FNDC3A: variants seen among roughly 807,000 people sequenced by gnomAD.
FNDC3A encodes the protein fibronectin type-III domain-containing protein 3A.
In FNDC3A, 32 loss-of-function variants were observed where a neutral mutation model predicts 148.9. That is an observed-to-expected ratio of 0.21 (90% CI 0.16 to 0.29). The LOEUF is 0.29. Ranked by LOEUF, FNDC3A falls within the 10% of genes least tolerant of loss-of-function variation. The pLI, the probability that FNDC3A is intolerant of heterozygous loss-of-function variation, is 1.00. For synonymous variants in FNDC3A, 472 were observed against 473.6 expected, an observed-to-expected ratio of 1.00 and a Z score of 0.04; for missense variants, 1,191 against 1,452.8, an observed-to-expected ratio of 0.82 and a Z score of 2.93.
At chr13:49,171,968 T>C in intron 10 of FNDC3A, 75 bp from the exon 11 acceptor site, 1 of 1,017,826 alleles carries the variant, frequency 9.8e-7, no homozygotes, top group Non-Finnish European at 1.5e-6. Flanking sequence ...AACTAGATCC[T>C]TATATTAGAT....
intron 7 of FNDC3A, 108 bp downstream of exon 7, chr13:49,138,913 C>T (rs569523895): frequency 3.6e-6 from 2 of 549,998 alleles, no homozygotes; most frequent in Non-Finnish European, 6.4e-6. Context: ...AAAATAGGAT[C>T]ATACTGTATT....
At chr13:49,096,985 G>A (rs1041361990) in intron 3 of FNDC3A, among the ~76,000 whole-genome samples, 4 of 152,096 alleles carry the variant, frequency 2.6e-5, no homozygotes, top group African/African-American at 9.7e-5. Flanking sequence ...AGAGGAAACG[G>A]AAAAACTGTG....
chr13:49,110,291 A>G (rs1880473665), intron 3 of FNDC3A: 1 of 1,514,946 alleles, frequency 6.6e-7, no homozygotes, highest in Non-Finnish European at 8.9e-7. Context: ...TTTTCCTCTT[A>G]CAGCCTTGCA....
At chr13:48,983,570 C>G (rs996873493) in intron 1 of FNDC3A, among the ~76,000 whole-genome samples, 2 of 152,176 alleles carry the variant, frequency 1.3e-5, no homozygotes, top group Non-Finnish European at 2.9e-5. Flanking sequence ...AGGCAGCAGA[C>G]CAGATTTGGC....
At chr13:49,056,102 C>T (rs541979282) in intron 2 of FNDC3A, among the ~76,000 whole-genome samples, 2 of 151,922 alleles carry the variant, frequency 1.3e-5, no homozygotes, top group South Asian at 4.2e-4. Context: ...GGGCAGGTTG[C>T]TTTGAGCCCA....
At chr13:49,041,384 C>T (rs1160740848) in intron 2 of FNDC3A, among the ~76,000 whole-genome samples, 1 of 152,190 alleles carries the variant, frequency 6.6e-6, no homozygotes, top group Admixed American at 6.5e-5. Context: ...GTTTACTACT[C>T]TATCCCAATT....
chr13:49,042,098 A>T (rs1220375700), intron 2 of FNDC3A, among the ~76,000 whole-genome samples: 1 of 152,178 alleles, frequency 6.6e-6, no homozygotes, highest in African/African-American at 2.4e-5. Context: ...GGGAGTAAAA[A>T]GGAGCCAGCC....
intron 2 of FNDC3A, among the ~76,000 whole-genome samples, chr13:49,009,126 T>C (rs984777497): frequency 2.6e-5 from 4 of 152,196 alleles, no homozygotes; most frequent in Admixed American, 1.3e-4. Context: ...GCTTCACCTT[T>C]TCATTCTTCC....
chr13:48,984,608 A>G (rs1375275491), intron 1 of FNDC3A, among the ~76,000 whole-genome samples: 1 of 152,196 alleles, frequency 6.6e-6, no homozygotes, highest in Non-Finnish European at 1.5e-5. Flanking sequence ...TGTTTAATTG[A>G]AGTAAAGATA....
At chr13:49,200,471 T>C (rs1417878414) in intron 23 of FNDC3A, among the ~76,000 whole-genome samples, 2 of 152,170 alleles carry the variant, frequency 1.3e-5, no homozygotes, top group Middle Eastern at 3.2e-3. Flanking sequence ...GTTTTTGGTA[T>C]AGCCATTTAT....
chr13:49,196,448 T>A (rs148386991), intron 19 of FNDC3A, among the ~76,000 whole-genome samples: 213 of 152,306 alleles, frequency 1.4e-3, no homozygotes, highest in African/African-American at 5.0e-3. Flanking sequence ...GAACAGAATG[T>A]TGGTAAAATT....
chr13:49,126,742 T>C (rs944144785), intron 4 of FNDC3A, among the ~76,000 whole-genome samples: 1 of 152,158 alleles, frequency 6.6e-6, no homozygotes, highest in African/African-American at 2.4e-5. Context: ...AGTTTCTCCA[T>C]CTGAAAAATT....
chr13:48,984,580 G>T (rs1165656446), intron 1 of FNDC3A, among the ~76,000 whole-genome samples: 1 of 152,196 alleles, frequency 6.6e-6, no homozygotes, highest in Non-Finnish European at 1.5e-5. Flanking sequence ...GGTCTATAAA[G>T]GGTGTGGGAC....
At chr13:49,009,977 A>C (rs1376357397) in intron 2 of FNDC3A, among the ~76,000 whole-genome samples, 1 of 152,200 alleles carries the variant, frequency 6.6e-6, no homozygotes, top group Admixed American at 6.5e-5. Flanking sequence ...TAATTTACGG[A>C]AGTAACTTAA....
chr13:49,139,458 A>C (rs541336072), intron 7 of FNDC3A, among the ~76,000 whole-genome samples: 3 of 152,316 alleles, frequency 2.0e-5, no homozygotes, highest in South Asian at 4.1e-4. Flanking sequence ...AAGTTGCCCC[A>C]AAAATACTTT....
At chr13:49,053,008 G>A (rs963970179) in intron 2 of FNDC3A, among the ~76,000 whole-genome samples, 9 of 152,218 alleles carry the variant, frequency 5.9e-5, no homozygotes, top group South Asian at 2.1e-4. Context: ...TGGGAAAGCC[G>A]GCACTCACAG....
chr13:49,111,304 C>T (rs1880554305), intron 3 of FNDC3A, among the ~76,000 whole-genome samples: 1 of 152,136 alleles, frequency 6.6e-6, no homozygotes, highest in Non-Finnish European at 1.5e-5. Flanking sequence ...ATGCTGTAAA[C>T]GTTGTAGTTC....
rs1322762293 is a variant in FNDC3A, at chr13:49,208,268, C to T, written c.*873C>T. The T allele has an allele frequency of 6.6e-6, 1 of 152,496 alleles. No individual in the cohort carries two copies. The highest frequency in any genetic ancestry group is 1.5e-5 in the Non-Finnish European group (1 of 68,016). 9.4% of individuals were successfully genotyped at this position (152,496 alleles called of 1,614,324 possible). A position where few individuals can be genotyped will look rare whatever the true frequency, so the allele number is the denominator to read the frequency against. On this transcript the variant is annotated 3_prime_UTR_variant, in exon 26 of 26. Transcript: ENST00000492622. ...CATATAACAAGTGTACACATATACA[C>T]ATAACAAGTGTAGAAGTATATATTA...
chr13:49,006,655 G>A lies in FNDC3A; in HGVS notation c.99+366G>A, dbSNP rs922997257. 5.9e-5 allele frequency among the ~76,000 whole-genome samples: 9 copies of A among 151,870 alleles called. 1 individual carries two copies. The highest frequency in any genetic ancestry group is 4.6e-4 in the Admixed American group (7 of 15,250). On this transcript the variant is annotated intron_variant, in intron 2 of 25. Transcript: ENST00000492622. ...TGCCTACATTATATAATAATGAAAC[G>A]TTGTCTTTTCCCTCCCATTCTCTTC...
Sources: gnomAD v4.1 joint callset for allele counts (sites outside exome capture counted in the v4.1 genomes callset) on GRCh38, gnomAD v4.1.1 for gene constraint, MANE v1.5 for transcripts, NCBI Gene and HGNC (gene_info 2026-07-23, HGNC 2026-07-21) for gene names.